Variants in DNAH2 observed in about 807,000 individuals in gnomAD.
DNAH2 encodes dynein axonemal heavy chain 2, also known as axonemal beta dynein heavy chain 2.
A neutral mutation model predicts 523.5 loss-of-function variants in DNAH2; 323 were observed. The observed-to-expected ratio is 0.62, with a 90% CI of 0.56 to 0.68. DNAH2 has a LOEUF of 0.68. Among genes scored for constraint, DNAH2 ranks in the 30% least tolerant of loss-of-function variants. DNAH2 has a pLI of 0.00. For synonymous variants in DNAH2, 2,093 were observed against 2,177.4 expected (o/e 0.96, Z 1.08); for missense variants, 4,907 against 5,701.5 (o/e 0.86, Z 4.49).
intron 12 of DNAH2, among the ~76,000 whole-genome samples, chr17:7,745,077 C>T (rs961053870): frequency 6.6e-6 from 1 of 151,978 alleles, no homozygotes; most frequent in Non-Finnish European, 1.5e-5. Context: ...TCACTGCAAC[C>T]TCCGCCTCCT....
chr17:7,829,297 C>A (rs1050170102), intron 77 of DNAH2, among the ~76,000 whole-genome samples: 1 of 152,226 alleles, frequency 6.6e-6, no homozygotes, highest in African/African-American at 2.4e-5. Context: ...CAGGCGTGAG[C>A]CAGCGCGCCT....
At chr17:7,801,774 T>C in intron 57 of DNAH2, 64 bp downstream of exon 57, 1 of 1,609,800 alleles carries the variant, frequency 6.2e-7, no homozygotes, top group South Asian at 1.1e-5. Context: ...CTCTCATCTC[T>C]CATCGCACCC....
intron 3 of DNAH2, among the ~76,000 whole-genome samples, chr17:7,725,440 A>ATATATATTTTTTTTTTTTTTT (rs958458949): frequency 4.6e-5 from 6 of 130,506 alleles, no homozygotes; most frequent in Non-Finnish European, 8.2e-5. Flanking sequence ...ATATATATAT[A>ATATATATTTTTTTTTTTTTTT]TTTTCTTTTT....
chr17:7,745,101 TCTC>T (rs1370738497), intron 12 of DNAH2, among the ~76,000 whole-genome samples: 1 of 152,014 alleles, frequency 6.6e-6, no homozygotes, highest in African/African-American at 2.4e-5. Context: ...TTCAAGCAAT[TCTC>T]CTGCCTCAGC....
chr17:7,824,463 A>C (rs774690575), intron 76 of DNAH2, 74 bp from the exon 77 acceptor site: 80 of 1,393,344 alleles, frequency 5.7e-5, no homozygotes, highest in Admixed American at 1.1e-4. Flanking sequence ...CCCCCACCCC[A>C]ACACCAGGTG....
Position 7,778,109 on chromosome 17 carries a change from C to T in DNAH2, c.5280C>T (p.Asn1760=), listed in dbSNP as rs770248613. ...ATGACTGTGTCATCCGCCAGACCAA[C>T]ACGCAATTTCAGTATAATTATGAGT... ...DLDDCVIRQT[N]TQFQYNYEYL... Residue 1760 remains asparagine (N), a synonymous_variant, in exon 34 of 86, where the codon AAC becomes AAT. Coordinates refer to ENST00000572933, the MANE Select transcript of DNAH2 (RefSeq NM_020877.5). 3.1e-6 allele frequency: 5 copies of T among 1,614,068 alleles called. No homozygotes were observed. In the South Asian group the frequency reaches 4.4e-5, roughly 14 times the overall value.
At position 7,718,288 on chromosome 17, in the gene DNAH2, A is replaced by G. The variant is rs183740067; in HGVS notation, c.-526A>G. On this transcript the variant is annotated 5_prime_UTR_variant, in exon 1 of 86. Coordinates refer to ENST00000572933, the MANE Select transcript of DNAH2 (RefSeq NM_020877.5). ...TTGATGCTTCTCTGGAGACTGATGG[A>G]GGAAGCCTCCTTGCTGTAGTTGGTT... is the stretch of plus-strand genomic sequence containing the variant. 1 of 152,240 alleles carries G rather than the reference A, an allele frequency of 6.6e-6. No homozygotes were observed. Among genetic ancestry groups the G allele is most frequent in the East Asian group, 1.9e-4 (1 of 5,172 alleles). 9.4% of individuals were successfully genotyped at this position (152,240 alleles called of 1,614,324 possible). A position where few individuals can be genotyped will look rare whatever the true frequency, so the allele number is the denominator to read the frequency against.
intron 39 of DNAH2, among the ~76,000 whole-genome samples, chr17:7,782,695 G>C (rs945069812): frequency 6.6e-6 from 1 of 152,092 alleles, no homozygotes; most frequent in Admixed American, 6.5e-5. Flanking sequence ...GGCGAGGTGC[G>C]GTGGTTCACG....
At chr17:7,748,807 AT>A (rs762032878) in intron 12 of DNAH2, among the ~76,000 whole-genome samples, 2,371 of 143,062 alleles carry the variant, frequency 0.017, 20 homozygotes, top group African/African-American at 0.029. Context: ...CGCCACACAG[AT>A]TTTTTTTTTT....
intron 12 of DNAH2, chr17:7,743,477 G>A (rs1401504373): frequency 3.1e-6 from 2 of 649,032 alleles, no homozygotes; most frequent in Non-Finnish European, 5.5e-6. Flanking sequence ...AACAGCCTGG[G>A]CAACATGGCA....
rs748589176 is a variant in DNAH2, at chr17:7,758,963, C to T, written c.2287C>T (p.Leu763=). Residue 763 remains leucine, a synonymous_variant, in exon 15 of 86, where the codon CTG becomes TTG. Coordinates refer to ENST00000572933, the MANE Select transcript of DNAH2 (RefSeq NM_020877.5). ...AGCCCAAGAGATGTCAGAGAAGCTG[C>T]TGGTACGCATTAGTGGCAAACGGGT... ...WRAQEMSEKL[L]VRISGKRVYR... 4 of 1,614,156 alleles carry T rather than the reference C, an allele frequency of 2.5e-6. No individual in the cohort carries two copies. The highest frequency in any genetic ancestry group is 3.4e-6 in the Non-Finnish European group (4 of 1,180,028).
At chr17:7,768,084 C>A in intron 23 of DNAH2, 23 bp downstream of exon 23, 2 of 1,613,972 alleles carry the variant, frequency 1.2e-6, no homozygotes, top group South Asian at 1.1e-5. Flanking sequence ...GGCGGGGAGG[C>A]GGAAGAGAAG....
chr17:7,830,026 C>CAAAAAA (rs546222498), intron 77 of DNAH2, among the ~76,000 whole-genome samples: 1 of 55,248 alleles, frequency 1.8e-5, no homozygotes, highest in Admixed American at 1.9e-4. Flanking sequence ...AACTCCGTCT[C>CAAAAAA]AAAAAAAAAA....
intron 77 of DNAH2, among the ~76,000 whole-genome samples, chr17:7,825,592 A>G (rs1036047707): frequency 1.3e-5 from 2 of 152,176 alleles, no homozygotes; most frequent in Admixed American, 1.3e-4. Flanking sequence ...CTGTGACCAG[A>G]TTGCAATACT....
chr17:7,743,584 T>C (rs1227822404), intron 12 of DNAH2: 2 of 551,212 alleles, frequency 3.6e-6, no homozygotes, highest in East Asian at 3.1e-5. Flanking sequence ...GAGGATCGCC[T>C]GAGCCCGGGA....
Position 7,780,968 on chromosome 17 carries a change from C to A in DNAH2, c.6004-74C>A, listed in dbSNP as rs2151247354. 6.2e-7 allele frequency: 1 copy of A among 1,607,664 alleles called. No homozygotes were observed. The highest frequency in any genetic ancestry group is 8.5e-7 in the Non-Finnish European group (1 of 1,177,512). ...GTGTATCCATTGTTCTTGGCACGTGCCCCGAAGCCCTTTGGAGGTGAAAGG... is the reference window on the plus strand; with the variant it reads ...GTGTATCCATTGTTCTTGGCACGTGACCCGAAGCCCTTTGGAGGTGAAAGG... On this transcript the variant is annotated intron_variant, in intron 38 of 85. Coordinates refer to ENST00000572933, the MANE Select transcript of DNAH2 (RefSeq NM_020877.5). The surrounding 1 kb of genome is among the most constrained non-coding windows in gnomAD (Gnocchi z 4.4).
At position 7,799,229 on chromosome 17, in the gene DNAH2, G is replaced by C; in HGVS notation, c.8686G>C (p.Gly2896Arg). ...CATCGTGCTCTGCCTCAGCCCCATG[G>C]GGGATCCCTTCAGGTGACTTCTGTG... ...LHIVLCLSPM[G>R]DPFRNWIRQY... Residue 2896 changes from glycine (G) to arginine (R), a missense_variant, in exon 56 of 86, where the codon GGG (glycine) becomes CGG (arginine). By Grantham distance (125) the Gly-to-Arg change is moderately radical. Coordinates refer to ENST00000572933, the MANE Select transcript of DNAH2 (RefSeq NM_020877.5). 1 of 1,614,180 alleles carries C rather than the reference G, an allele frequency of 6.2e-7. No individual in the cohort carries two copies. The highest frequency in any genetic ancestry group is 1.1e-5 in the South Asian group (1 of 91,086).
chr17:7,783,393 G>C (rs140556882), intron 39 of DNAH2, among the ~76,000 whole-genome samples: 423 of 152,232 alleles, frequency 2.8e-3, no homozygotes, highest in African/African-American at 8.9e-3. Flanking sequence ...ACTTTTTAAA[G>C]AAGAAATTGA....
intron 13 of DNAH2, 51 bp downstream of exon 13, chr17:7,757,288 CT>C: frequency 6.3e-7 from 1 of 1,589,262 alleles, no homozygotes; most frequent in Non-Finnish European, 8.6e-7. Context: ...TTTATTCCTT[CT>C]TTTTCTCTTA....
Sources: gnomAD v4.1 joint callset for allele counts (sites outside exome capture counted in the v4.1 genomes callset) on GRCh38, gnomAD v4.1.1 for gene constraint, Gnocchi (gnomAD v3.1) non-coding constraint, MANE v1.5 for transcripts, NCBI Gene and HGNC (gene_info 2026-07-23, HGNC 2026-07-21) for gene names.